The following TLN2 variants were observed in gnomAD, a reference collection of about 807,000 sequenced individuals.
The protein encoded by TLN2 is talin 2, also known as talin-2.
In TLN2, 118 loss-of-function variants were observed where a neutral mutation model predicts 294.7. The observed-to-expected ratio is 0.40, with a 90% CI of 0.34 to 0.47. TLN2 has a LOEUF of 0.47. Ranked by LOEUF, TLN2 falls within the 20% of genes least tolerant of loss-of-function variation. The pLI, the probability that TLN2 is intolerant of heterozygous loss-of-function variation, is 0.84. For missense variants in TLN2, 3,083 were observed against 3,282.2 expected (o/e 0.94, Z 1.48); for synonymous variants, 1,431 against 1,304.5 (o/e 1.10, Z -2.09).
intron 1 of TLN2, among the ~76,000 whole-genome samples, chr15:62,488,258 T>C (rs1427698919): frequency 2.6e-5 from 4 of 152,170 alleles, no homozygotes; most frequent in Non-Finnish European, 4.4e-5. Context: ...AGTACAGTTA[T>C]AAATCTGGGC....
At chr15:62,410,954 C>G (rs2033741235) in intron 1 of TLN2, among the ~76,000 whole-genome samples, 1 of 152,136 alleles carries the variant, frequency 6.6e-6, no homozygotes, top group Non-Finnish European at 1.5e-5. Flanking sequence ...TCTTTTAAAC[C>G]AGGGTACATC....
At chr15:62,802,924 A>AT (rs1184130935) in intron 50 of TLN2, among the ~76,000 whole-genome samples, 2 of 151,836 alleles carry the variant, frequency 1.3e-5, no homozygotes, top group African/African-American at 4.8e-5. Flanking sequence ...TGATTATTAT[A>AT]TTTTTTCCTA....
At chr15:62,606,802 GTCTT>G (rs957132353) in intron 2 of TLN2, among the ~76,000 whole-genome samples, 6 of 152,182 alleles carry the variant, frequency 3.9e-5, no homozygotes, top group African/African-American at 1.4e-4. Context: ...TGTAGTGTCA[GTCTT>G]TCTATAGCTG....
At chr15:62,504,210 A>C (rs1305864051) in intron 1 of TLN2, among the ~76,000 whole-genome samples, 1 of 152,210 alleles carries the variant, frequency 6.6e-6, no homozygotes, top group Admixed American at 6.5e-5. Context: ...GTTTTTATAG[A>C]TTAGAAGACA....
chr15:62,645,575 C>T (rs1261025037), intron 3 of TLN2, among the ~76,000 whole-genome samples: 3 of 152,104 alleles, frequency 2.0e-5, no homozygotes, highest in Non-Finnish European at 1.5e-5. Flanking sequence ...AGCCACCTGT[C>T]GTTAGGACGC....
intron 11 of TLN2, among the ~76,000 whole-genome samples, chr15:62,677,706 CCTTTCCTCTCTTT>C (rs937198244): frequency 6.6e-6 from 1 of 151,486 alleles, no homozygotes; most frequent in Non-Finnish European, 1.5e-5. Context: ...CTTCTCTCTC[CCTTTCCTCTCTTT>C]CTTTCCCTTC....
At position 62,653,229 on chromosome 15, in the gene TLN2, G is replaced by A. The variant is rs367916448; in HGVS notation, c.432G>A (p.Thr144=). The part of the protein sequence containing the change: ...ETIEEKKEEG[T]GTLKKDRTLL... ...TTGAAGAAAAGAAAGAGGAAGGAAC[G>A]GGCACACTCAAAAAAGACAGGACAC... The change falls in exon 7 of 59, where the codon ACG becomes ACA. Residue 144 remains threonine (T), a synonymous_variant. Transcript: ENST00000636159. 9 of 1,612,560 alleles carry A rather than the reference G, an allele frequency of 5.6e-6. No individual in the cohort carries two copies. The highest frequency in any genetic ancestry group is 1.6e-4 in the Middle Eastern group (1 of 6,062).
At chr15:62,716,121 T>C (rs1272538515) in intron 22 of TLN2, among the ~76,000 whole-genome samples, 1 of 152,240 alleles carries the variant, frequency 6.6e-6, no homozygotes, top group East Asian at 1.9e-4. Context: ...TTACTTTGGA[T>C]TTCTAACTGC....
At chr15:62,674,028 A>T in intron 10 of TLN2, 138 bp downstream of exon 10, 1 of 583,850 alleles carries the variant, frequency 1.7e-6, no homozygotes, top group Non-Finnish European at 2.9e-6. Flanking sequence ...ACTCAAGAGT[A>T]TAGAAGCTGA....
At chr15:62,732,024 G>C (rs1359703037) in intron 28 of TLN2, among the ~76,000 whole-genome samples, 3 of 152,152 alleles carry the variant, frequency 2.0e-5, no homozygotes, top group African/African-American at 7.2e-5. Flanking sequence ...TGGGAAGGTA[G>C]GGGAAATTTT....
intron 42 of TLN2, among the ~76,000 whole-genome samples, chr15:62,776,362 A>G (rs769624984): frequency 5.3e-5 from 8 of 152,208 alleles, no homozygotes; most frequent in Non-Finnish European, 1.0e-4. Context: ...ACGGGGAACT[A>G]TAGTGTGTTG....
rs925181814 is a variant in TLN2, at chr15:62,750,290, T to A, written c.4120-112T>A. 6 of 851,770 alleles carry A rather than the reference T, an allele frequency of 7.0e-6. No homozygotes were observed. In the African/African-American group the frequency reaches 8.4e-5, roughly 12 times the overall value. The allele number at this position is 851,770 out of a possible 1,614,324, so 52.8% of individuals were successfully genotyped here. A position where few individuals can be genotyped will look rare whatever the true frequency, so the allele number is the denominator to read the frequency against. On this transcript the variant is annotated intron_variant, in intron 33 of 58. Transcript: ENST00000636159. ...TTCTCAAACATCTGAGTAAAAGTGATCATGACCAGAAACTTGTGTATGGAG... is the reference window on the plus strand; with the variant it reads ...TTCTCAAACATCTGAGTAAAAGTGAACATGACCAGAAACTTGTGTATGGAG...
chr15:62,698,995 G>A (rs550095887), intron 16 of TLN2, 128 bp downstream of exon 16: 11 of 894,666 alleles, frequency 1.2e-5, no homozygotes, highest in Admixed American at 4.3e-5. Context: ...GATTTTTTCA[G>A]GATATTGAGT....
intron 1 of TLN2, among the ~76,000 whole-genome samples, chr15:62,529,279 G>T (rs1467486521): frequency 2.0e-5 from 3 of 151,904 alleles, no homozygotes; most frequent in Admixed American, 1.3e-4. Flanking sequence ...AATTTTTTTT[G>T]TAGAGACCGG....
intron 2 of TLN2, among the ~76,000 whole-genome samples, chr15:62,611,951 G>T (rs781036861): frequency 6.6e-6 from 1 of 152,220 alleles, no homozygotes; most frequent in Non-Finnish European, 1.5e-5. Flanking sequence ...TAGCAAAGAT[G>T]TCAGTGGTGT....
intron 1 of TLN2, among the ~76,000 whole-genome samples, chr15:62,391,004 C>A (rs1169062947): frequency 6.6e-6 from 1 of 152,254 alleles, no homozygotes; most frequent in Non-Finnish European, 1.5e-5. Context: ...AGAGCGGATT[C>A]CTGGCCGTGG....
chr15:62,722,347 C>G lies in TLN2; in HGVS notation c.2992-6C>G, dbSNP rs375767504. On this transcript the variant is annotated splice_polypyrimidine_tract_variant and splice_region_variant and intron_variant, in intron 25 of 58. Coordinates refer to ENST00000636159, the MANE Select transcript of TLN2 (RefSeq NM_015059.3). ...GCCATCTTACTTTCTTTTCATCTCT[C>G]TATAGCCTGGAAGCAAGATGGTGTC... The G allele has an allele frequency of 2.2e-5, 36 of 1,606,236 alleles. No homozygotes were observed. Among genetic ancestry groups the G allele is most frequent in the Non-Finnish European group, 2.9e-5 (34 of 1,174,346 alleles).
Position 62,719,811 on chromosome 15 carries a change from G to A in TLN2, c.2922G>A (p.Gly974=), listed in dbSNP as rs769522628. ...CTCAGCTGGTCCAGGGAGTGAGGGG[G>A]AGCCAAGCTCAAGCTGAAGACCTGA... The part of the protein sequence containing the change: ...HIPQLVQGVR[G]SQAQAEDLSA... The change falls in exon 25 of 59, where the codon GGG becomes GGA. Residue 974 remains glycine (G), a synonymous_variant. Coordinates refer to ENST00000636159, the MANE Select transcript of TLN2 (RefSeq NM_015059.3). The A allele has an allele frequency of 1.5e-5, 24 of 1,611,930 alleles. No individual in the cohort carries two copies. The highest frequency in any genetic ancestry group is 2.2e-5 in the East Asian group (1 of 44,820).
intron 1 of TLN2, among the ~76,000 whole-genome samples, chr15:62,529,885 G>C (rs2140493802): frequency 6.6e-6 from 1 of 152,242 alleles, no homozygotes; most frequent in Non-Finnish European, 1.5e-5. Context: ...ACATACTTTG[G>C]TCTCTGATAT....
Sources: allele counts gnomAD v4.1 joint callset (sites outside exome capture counted in the v4.1 genomes callset), GRCh38; gene constraint gnomAD v4.1.1; transcripts MANE v1.5; gene names NCBI Gene and HGNC (gene_info 2026-07-23, HGNC 2026-07-21).